The following TLE4 variants were observed in gnomAD, a reference collection of about 807,000 sequenced individuals.
TLE4 encodes the protein TLE family member 4, transcriptional corepressor.
In TLE4, 8 loss-of-function variants were observed where a neutral mutation model predicts 92.8. The ratio of observed to expected loss-of-function variants is 0.09; its 90% CI spans 0.05 to 0.16. The LOEUF (loss-of-function observed/expected upper bound fraction) is 0.16, where lower values mean the gene tolerates loss of function less well. TLE4 is among the 10% of genes least tolerant of loss of function. TLE4 has a pLI of 1.00. For synonymous variants in TLE4, 371 were observed against 374.1 expected (o/e 0.99, Z 0.10); for missense variants, 675 against 997.6 (o/e 0.68, Z 4.36).
intron 6 of TLE4, among the ~76,000 whole-genome samples, chr9:79,638,951 A>G (rs963720734): frequency 1.3e-5 from 2 of 152,122 alleles, no homozygotes; most frequent in Non-Finnish European, 2.9e-5. Flanking sequence ...AAAGCATTCC[A>G]GGAGCTCTTT....
At chr9:79,612,548 G>C in intron 4 of TLE4, 108 bp from the exon 5 acceptor site, 1 of 1,050,692 alleles carries the variant, frequency 9.5e-7, no homozygotes, top group South Asian at 1.3e-5. Context: ...TAGGAAATAT[G>C]CCAGCCAAAT....
intron 4 of TLE4, among the ~76,000 whole-genome samples, chr9:79,578,465 A>G (rs2131945913): frequency 1.3e-5 from 2 of 152,322 alleles, no homozygotes; most frequent in South Asian, 4.1e-4. Flanking sequence ...ATTGGAACAG[A>G]AAATGGTGGT....
At chr9:79,637,462 A>T (rs1245495792) in intron 6 of TLE4, among the ~76,000 whole-genome samples, 1 of 152,072 alleles carries the variant, frequency 6.6e-6, no homozygotes, top group South Asian at 2.1e-4. Flanking sequence ...CTTGTCTCTT[A>T]TTTGTTCTCT....
chr9:79,586,552 G>A (rs145143520), intron 4 of TLE4, among the ~76,000 whole-genome samples: 202 of 152,272 alleles, frequency 1.3e-3, no homozygotes, highest in Admixed American at 2.5e-3. Context: ...GAGGTAAAGC[G>A]TGTCTGTAAA....
chr9:79,622,585 A>T (rs1420157500), intron 5 of TLE4, among the ~76,000 whole-genome samples: 1 of 152,164 alleles, frequency 6.6e-6, no homozygotes, highest in Non-Finnish European at 1.5e-5. Context: ...ATTATCCTCC[A>T]GTTGTAATTA....
intron 4 of TLE4, among the ~76,000 whole-genome samples, chr9:79,593,409 A>G (rs931336794): frequency 1.6e-4 from 25 of 152,134 alleles, no homozygotes; most frequent in African/African-American, 6.0e-4. Context: ...CATAATCATC[A>G]GCAAGCAAAA....
At position 79,725,531 on chromosome 9, in the gene TLE4, C is replaced by A. The variant is rs879081784; in HGVS notation, c.*387C>A. ...TGCGTTGTATTTGATACCCCTCCCC[C>A]CCTTTTTTTGGCAAAGGAGGGGAAA... On this transcript the variant is annotated 3_prime_UTR_variant, in exon 20 of 20. Coordinates refer to ENST00000376552, the MANE Select transcript of TLE4 (RefSeq NM_007005.6). 3 of 163,328 alleles carry A rather than the reference C, an allele frequency of 1.8e-5. No individual in the cohort carries two copies. Among genetic ancestry groups the A allele is most frequent in the Non-Finnish European group, 2.7e-5 (2 of 74,830 alleles). 10.1% of individuals were successfully genotyped at this position (163,328 alleles called of 1,614,324 possible).
intron 11 of TLE4, 134 bp downstream of exon 11, chr9:79,707,033 A>T: frequency 1.3e-6 from 2 of 1,566,436 alleles, no homozygotes; most frequent in Non-Finnish European, 1.7e-6. Context: ...TCGGTATTTA[A>T]GTTTAATTGG....
rs998544704 is a variant in TLE4 at position 79,633,126 on chromosome 9, G to C, written c.390+5678G>C. On this transcript the variant is annotated intron_variant, in intron 6 of 19. Transcript: ENST00000376552. ...GATGTATTCATAATCTAATCTTTCT[G>C]CTACGGTTTGATGAGGCTCTAAGAG... 1.5e-4 allele frequency among the ~76,000 whole-genome samples: 23 copies of C among 152,084 alleles called. 1 individual carries two copies. The highest frequency in any genetic ancestry group is 5.1e-4 in the African/African-American group (21 of 41,408).
At chr9:79,587,783 T>A (rs182039510) in intron 4 of TLE4, among the ~76,000 whole-genome samples, 9 of 152,194 alleles carry the variant, frequency 5.9e-5, no homozygotes, top group Non-Finnish European at 1.0e-4. Context: ...TAAGTACATA[T>A]AGTTAACAGA....
chr9:79,620,679 A>G (rs1035550944), intron 5 of TLE4, among the ~76,000 whole-genome samples: 2 of 152,158 alleles, frequency 1.3e-5, no homozygotes, highest in Non-Finnish European at 2.9e-5. Context: ...CTAAAGTAAT[A>G]TCTAATTTCT....
rs1248480016 is a variant in TLE4, at chr9:79,572,342, C to G, written c.-449C>G. The G allele has an allele frequency of 1.3e-5, 2 of 152,138 alleles. No homozygotes were observed. Among genetic ancestry groups the G allele is most frequent in the Non-Finnish European group, 2.9e-5 (2 of 68,020 alleles). The allele number at this position is 152,138 out of a possible 1,614,324, so 9.4% of individuals were successfully genotyped here. ...CTTTTAGGGAAGAAGAAAGATCATT[C>G]ATTCGGAGGAATAACAACCAATTAA... is the stretch of plus-strand genomic sequence containing the variant. On this transcript the variant is annotated 5_prime_UTR_variant, in exon 1 of 20. Coordinates refer to ENST00000376552, the MANE Select transcript of TLE4 (RefSeq NM_007005.6).
At chr9:79,618,616 A>C (rs1165585433) in intron 5 of TLE4, among the ~76,000 whole-genome samples, 1 of 151,910 alleles carries the variant, frequency 6.6e-6, no homozygotes, top group Non-Finnish European at 1.5e-5. Context: ...GAGGATGGAC[A>C]TTTTCCTCCT....
chr9:79,671,511 G>A (rs2062349058), intron 8 of TLE4: 2 of 305,802 alleles, frequency 6.5e-6, no homozygotes, highest in African/African-American at 2.2e-5. Context: ...TCCTCTAATT[G>A]TGTGGGGAGA....
intron 8 of TLE4, among the ~76,000 whole-genome samples, chr9:79,689,129 G>A (rs899107984): frequency 6.6e-6 from 1 of 151,972 alleles, no homozygotes; most frequent in African/African-American, 2.4e-5. Context: ...TTTCTGATAG[G>A]CATATTTCCT....
chr9:79,720,222 C>T lies in TLE4; in HGVS notation c.1767C>T (p.Ser589=). The T allele has an allele frequency of 6.2e-7, 1 of 1,614,204 alleles. No homozygotes were observed. Among genetic ancestry groups the T allele is most frequent in the East Asian group, 2.2e-5 (1 of 44,882 alleles). Residue 589 remains serine (S), a synonymous_variant, in exon 16 of 20, where the codon TCC becomes TCT. Coordinates refer to ENST00000376552, the MANE Select transcript of TLE4 (RefSeq NM_007005.6). ...ACYALAISPD[S]KVCFSCCSDG... is the part of the protein sequence containing the mutation. ...ATGCCCTGGCCATCAGCCCCGATTC[C>T]AAGGTCTGCTTCTCATGCTGCAGCG... is the stretch of plus-strand genomic sequence containing the variant.
intron 3 of TLE4, 149 bp from the exon 4 acceptor site, chr9:79,575,984 G>C (rs1468928918): frequency 2.2e-6 from 1 of 462,150 alleles, no homozygotes; most frequent in Admixed American, 3.5e-5. Flanking sequence ...ATAGTGATGG[G>C]CTCTTGATTT....
chr9:79,590,445 G>C (rs184688196), intron 4 of TLE4, among the ~76,000 whole-genome samples: 4 of 152,110 alleles, frequency 2.6e-5, no homozygotes, highest in African/African-American at 9.7e-5. Flanking sequence ...GAGGCTGCTT[G>C]TAAGTTTTCT....
At chr9:79,649,823 A>G (rs2058658007) in intron 6 of TLE4, 2 of 1,363,878 alleles carry the variant, frequency 1.5e-6, no homozygotes, top group African/African-American at 3.0e-5. Context: ...CCTGTAGGAG[A>G]AAAAGAATAA....
Sources: allele counts gnomAD v4.1 joint callset (sites outside exome capture counted in the v4.1 genomes callset), GRCh38; gene constraint gnomAD v4.1.1; transcripts MANE v1.5; gene names NCBI Gene and HGNC (gene_info 2026-07-23, HGNC 2026-07-21).